The following USH2A variants were observed in gnomAD, a reference collection of about 807,000 sequenced individuals.
USH2A encodes usherin, also known as Usher syndrome 2A (autosomal recessive, mild).
In USH2A, 443 loss-of-function variants were observed where a neutral mutation model predicts 538.9. The observed-to-expected ratio is 0.82, with a 90% CI of 0.76 to 0.89. The LOEUF (loss-of-function observed/expected upper bound fraction) is 0.89. Ranked by LOEUF, USH2A falls within the 40% of genes least tolerant of loss-of-function variation. The pLI is 0.00. For missense variants in USH2A, 6,633 were observed against 6,324.8 expected, an observed-to-expected ratio of 1.05 and a Z score of -1.65; for synonymous variants, 2,413 against 2,273.5, an observed-to-expected ratio of 1.06 and a Z score of -1.75.
intron 9 of USH2A, among the ~76,000 whole-genome samples, chr1:216,296,951 A>T (rs899160683): frequency 6.6e-6 from 1 of 151,910 alleles, no homozygotes; most frequent in Non-Finnish European, 1.5e-5. Flanking sequence ...CAAAAAGGCC[A>T]CTGTGAAAAG....
intron 21 of USH2A, among the ~76,000 whole-genome samples, chr1:216,117,827 C>A (rs1462841079): frequency 7.2e-6 from 1 of 138,688 alleles, no homozygotes; most frequent in African/African-American, 2.5e-5. Context: ...TATATATATA[C>A]ACAGATATAT....
chr1:216,235,763 C>T (rs942007645), intron 13 of USH2A, among the ~76,000 whole-genome samples: 2 of 152,116 alleles, frequency 1.3e-5, no homozygotes, highest in Admixed American at 6.5e-5. Context: ...AGTGTAACCT[C>T]TAGGCTTTAT....
chr1:215,767,722 T>C (rs957217242), intron 55 of USH2A, among the ~76,000 whole-genome samples: 2 of 152,262 alleles, frequency 1.3e-5, no homozygotes, highest in Admixed American at 1.3e-4. Flanking sequence ...TACTGATCTG[T>C]AAAATGGGGA....
chr1:215,804,314 C>G (rs1275240358), intron 49 of USH2A, among the ~76,000 whole-genome samples: 1 of 151,890 alleles, frequency 6.6e-6, no homozygotes, highest in Non-Finnish European at 1.5e-5. Flanking sequence ...AGCTTCTGCA[C>G]AGCAAAAAAA....
intron 18 of USH2A, among the ~76,000 whole-genome samples, chr1:216,197,471 C>T (rs759043173): frequency 4.6e-5 from 7 of 152,226 alleles, no homozygotes; most frequent in South Asian, 2.1e-4. Context: ...ATCACTTGTG[C>T]TATCATGGCT....
intron 14 of USH2A, among the ~76,000 whole-genome samples, chr1:216,222,179 A>G (rs533486120): frequency 9.2e-4 from 140 of 152,308 alleles, no homozygotes; most frequent in Non-Finnish European, 1.2e-3. Flanking sequence ...GTCCAAGGTG[A>G]CAGTAAATCT....
intron 14 of USH2A, among the ~76,000 whole-genome samples, chr1:216,217,816 G>C (rs868601196): frequency 1.2e-4 from 19 of 152,034 alleles, no homozygotes; most frequent in African/African-American, 4.6e-4. Flanking sequence ...ATATTATATT[G>C]CTTTTTTACA....
chr1:216,065,328 A>G (rs978816668), intron 30 of USH2A, among the ~76,000 whole-genome samples: 2 of 152,212 alleles, frequency 1.3e-5, no homozygotes, highest in Admixed American at 6.5e-5. Flanking sequence ...AATATGCATT[A>G]TATGTTATCA....
intron 60 of USH2A, among the ~76,000 whole-genome samples, chr1:215,731,203 T>G (rs1396201695): frequency 1.3e-5 from 2 of 152,184 alleles, no homozygotes; most frequent in Non-Finnish European, 2.9e-5. Context: ...TTTAAAAGAT[T>G]GAGTATTATG....
At chr1:215,928,671 C>G (rs1309270356) in intron 38 of USH2A, among the ~76,000 whole-genome samples, 1 of 152,040 alleles carries the variant, frequency 6.6e-6, no homozygotes, top group African/African-American at 2.4e-5. Flanking sequence ...TCTTGAAACC[C>G]TGAGTTTCTT....
At chr1:216,143,185 A>T (rs1309288956) in intron 21 of USH2A, among the ~76,000 whole-genome samples, 1 of 152,182 alleles carries the variant, frequency 6.6e-6, no homozygotes, top group Non-Finnish European at 1.5e-5. Flanking sequence ...AGGGCTAAAG[A>T]TTGCCAAGTG....
rs11461966 is a variant in USH2A, at chr1:215,861,838, C to CTTTT, written c.8845+5165_8845+5168dup. Among the ~76,000 whole-genome samples, 23 of 110,354 alleles carry CTTTT rather than the reference C, an allele frequency of 2.1e-4. 1 individual carries two copies. The highest frequency in any genetic ancestry group is 3.2e-4 in the Admixed American group (3 of 9,248). The allele number at this position is 110,354 out of a possible 152,430, so 72.4% of individuals were successfully genotyped here. A position where few individuals can be genotyped will look rare whatever the true frequency, so the allele number is the denominator to read the frequency against. ...GCCATGCAATAGTTAGTAGTTTTCGCTTTTTTTTTTTTTTTTTTTTGAGAC... is the reference window on the plus strand; with the variant it reads ...GCCATGCAATAGTTAGTAGTTTTCGCTTTTTTTTTTTTTTTTTTTTTTTTGAGAC... On this transcript the variant is annotated intron_variant, in intron 44 of 71. Coordinates refer to ENST00000307340, the MANE Select transcript of USH2A (RefSeq NM_206933.4).
intron 15 of USH2A, among the ~76,000 whole-genome samples, chr1:216,216,255 C>G (rs2035339882): frequency 6.6e-6 from 1 of 152,000 alleles, no homozygotes; most frequent in Admixed American, 6.6e-5. Context: ...AGCATAAATA[C>G]CTACAGTTTT....
In USH2A at chr1:216,097,919, A is replaced by C. The variant is rs186937364; in HGVS notation, c.4628-706T>G. 2.9e-3 allele frequency among the ~76,000 whole-genome samples: 427 copies of C among 146,950 alleles called. 8 individuals are homozygous for C. Among genetic ancestry groups the C allele is most frequent in the South Asian group, 0.017 (77 of 4,500 alleles). ...GCCCTATGAATGATGTCACCCCCCT[A>C]CCATTACATGGCCCCATCTCCAGTC... On this transcript the variant is annotated intron_variant, in intron 21 of 71. Transcript: ENST00000307340.
At chr1:215,698,485 G>C (rs2102687621) in intron 61 of USH2A, among the ~76,000 whole-genome samples, 1 of 152,280 alleles carries the variant, frequency 6.6e-6, no homozygotes, top group South Asian at 2.1e-4. Context: ...TCCAGCATCT[G>C]TTGTTTCTTG....
intron 37 of USH2A, among the ~76,000 whole-genome samples, chr1:215,955,714 T>TCTG (rs1667047637): frequency 6.6e-6 from 1 of 152,160 alleles, no homozygotes. Context: ...ATCCTTAGAT[T>TCTG]CTGCAACACT....
chr1:216,111,134 T>C (rs1171620319), intron 21 of USH2A, among the ~76,000 whole-genome samples: 1 of 152,026 alleles, frequency 6.6e-6, no homozygotes, highest in Non-Finnish European at 1.5e-5. Context: ...TGCGGCAAGG[T>C]AAACACTTGA....
At chr1:215,966,131 T>C (rs1667341584) in intron 36 of USH2A, among the ~76,000 whole-genome samples, 1 of 152,080 alleles carries the variant, frequency 6.6e-6, no homozygotes, top group African/African-American at 2.4e-5. Context: ...ATTGTGTTAA[T>C]GAAGCTATGC....
At chr1:215,695,521 C>T (rs941870427) in intron 61 of USH2A, among the ~76,000 whole-genome samples, 2 of 151,972 alleles carry the variant, frequency 1.3e-5, no homozygotes, top group African/African-American at 4.8e-5. Context: ...AAACTTACAA[C>T]TTACAGGAAA....
Sources: gnomAD v4.1 joint callset for allele counts (sites outside exome capture counted in the v4.1 genomes callset) on GRCh38, gnomAD v4.1.1 for gene constraint, MANE v1.5 for transcripts, NCBI Gene and HGNC (gene_info 2026-07-23, HGNC 2026-07-21) for gene names.